DPY19L2: variants seen among roughly 807,000 people sequenced by gnomAD.
The protein encoded by DPY19L2 is probable C-mannosyltransferase DPY19L2.
In DPY19L2, 34 loss-of-function variants were observed where a neutral mutation model predicts 97.9. That is an observed-to-expected ratio of 0.35 (90% CI 0.26 to 0.46). The LOEUF (loss-of-function observed/expected upper bound fraction) is 0.46. Ranked by LOEUF, DPY19L2 falls within the 20% of genes least tolerant of loss-of-function variation. The pLI is 1.00. For missense variants in DPY19L2, 623 were observed against 911.4 expected (o/e 0.68, Z 4.07); for synonymous variants, 230 against 307.9 (o/e 0.75, Z 2.65).
At chr12:63,590,077 G>A (rs895071987) in intron 16 of DPY19L2, among the ~76,000 whole-genome samples, 3 of 151,954 alleles carry the variant, frequency 2.0e-5, no homozygotes, top group African/African-American at 4.8e-5. Flanking sequence ...GCAGTGAGCC[G>A]AGATTGTGCC....
chr12:63,649,885 G>C (rs1893952815), intron 4 of DPY19L2, among the ~76,000 whole-genome samples: 1 of 151,938 alleles, frequency 6.6e-6, no homozygotes, highest in Non-Finnish European at 1.5e-5. Flanking sequence ...AAAACTTCAG[G>C]CCAATATCTC....
At chr12:63,629,787 C>G (rs1293261127) in intron 6 of DPY19L2, among the ~76,000 whole-genome samples, 1 of 152,050 alleles carries the variant, frequency 6.6e-6, no homozygotes, top group East Asian at 1.9e-4. Flanking sequence ...AATGGAAATG[C>G]AGGAAAAACT....
At chr12:63,566,978 C>T (rs4044666) in intron 21 of DPY19L2, among the ~76,000 whole-genome samples, 3 of 152,044 alleles carry the variant, frequency 2.0e-5, no homozygotes, top group Non-Finnish European at 4.4e-5. Flanking sequence ...TCACCACAAA[C>T]GTTTACCATC....
chr12:63,611,570 T>A (rs1887016990), intron 11 of DPY19L2, among the ~76,000 whole-genome samples: 1 of 151,726 alleles, frequency 6.6e-6, no homozygotes, highest in Non-Finnish European at 1.5e-5. Flanking sequence ...AAGAACATGT[T>A]AACTAGAGAC....
intron 19 of DPY19L2, among the ~76,000 whole-genome samples, chr12:63,576,686 T>C (rs1879900161): frequency 6.6e-6 from 1 of 151,850 alleles, no homozygotes; most frequent in Admixed American, 6.6e-5. Flanking sequence ...AGTAATTCCA[T>C]TTACAGTAGC....
chr12:63,604,232 G>T (rs1885665675), intron 12 of DPY19L2, among the ~76,000 whole-genome samples: 1 of 152,102 alleles, frequency 6.6e-6, no homozygotes, highest in African/African-American at 2.4e-5. Context: ...CCCTGTAGGT[G>T]ATGTGTCATT....
intron 3 of DPY19L2, among the ~76,000 whole-genome samples, chr12:63,662,425 G>C (rs1895796418): frequency 6.6e-6 from 1 of 151,640 alleles, no homozygotes; most frequent in Non-Finnish European, 1.5e-5. Flanking sequence ...CTGCTTAGGA[G>C]GATAACAAAG....
intron 5 of DPY19L2, among the ~76,000 whole-genome samples, 177 bp downstream of exon 5, chr12:63,647,068 A>G (rs925366244): frequency 2.6e-5 from 4 of 152,158 alleles, no homozygotes; most frequent in Non-Finnish European, 5.9e-5. Flanking sequence ...TCAAATTTTT[A>G]AGTACACAGC....
intron 7 of DPY19L2, among the ~76,000 whole-genome samples, chr12:63,625,512 C>T (rs1889382100): frequency 6.6e-6 from 1 of 152,136 alleles, no homozygotes; most frequent in Admixed American, 6.5e-5. Context: ...ATATCCTCAG[C>T]ATCTAGCAGA....
chr12:63,652,628 A>G (rs961252953), intron 4 of DPY19L2, among the ~76,000 whole-genome samples: 1 of 152,192 alleles, frequency 6.6e-6, no homozygotes, highest in African/African-American at 2.4e-5. Flanking sequence ...TTGCAGCAAC[A>G]TGAAAGGAGT....
intron 5 of DPY19L2, among the ~76,000 whole-genome samples, chr12:63,646,806 T>G (rs1331780145): frequency 1.3e-5 from 2 of 152,152 alleles, no homozygotes; most frequent in Admixed American, 6.5e-5. Flanking sequence ...TATGAGCATA[T>G]ATAAAAAAGT....
intron 19 of DPY19L2, among the ~76,000 whole-genome samples, chr12:63,574,013 C>A (rs772937993): frequency 3.3e-5 from 5 of 151,836 alleles, no homozygotes; most frequent in Non-Finnish European, 7.4e-5. Context: ...AGTAAGTACA[C>A]AGAGAAACAC....
At chr12:63,635,033 G>C (rs541122348) in intron 6 of DPY19L2, among the ~76,000 whole-genome samples, 2 of 152,316 alleles carry the variant, frequency 1.3e-5, no homozygotes, top group South Asian at 4.1e-4. Flanking sequence ...GCACCCCCCA[G>C]TAGGGGCAGA....
chr12:63,584,194 T>C (rs1476598930), intron 16 of DPY19L2: 2 of 160,754 alleles, frequency 1.2e-5, no homozygotes, highest in East Asian at 3.5e-4. Flanking sequence ...TGTTAAACTT[T>C]TGAGTTATTT....
intron 1 of DPY19L2, among the ~76,000 whole-genome samples, chr12:63,667,436 A>T (rs1388041872): frequency 6.6e-6 from 1 of 152,140 alleles, no homozygotes; most frequent in Non-Finnish European, 1.5e-5. Flanking sequence ...TAACGATGCC[A>T]GTATTCTAAA....
Position 63,668,252 on chromosome 12 carries a change from G to C in DPY19L2, c.142C>G (p.Pro48Ala), listed in dbSNP as rs1188259219. 2 of 1,613,726 alleles carry C rather than the reference G, an allele frequency of 1.2e-6. No homozygotes were observed. Among genetic ancestry groups the C allele is most frequent in the African/African-American group, 2.7e-5 (2 of 74,892 alleles). ...GGGGAGGACCTCCAGGAGCCCCTTG[G>C]CAGTTTCCCGCCGCCTAGGGCCGAC... The part of the protein sequence containing the change: ...EKSALGGGKL[P>A]RGSWRSSPGR... Residue 48 changes from proline to alanine, a missense_variant, in exon 1 of 22, where the codon CCA (proline) becomes GCA (alanine). By Grantham distance (27) the Pro-to-Ala change is conservative. Coordinates refer to ENST00000324472, the MANE Select transcript of DPY19L2 (RefSeq NM_173812.5).
chr12:63,660,130 A>G (rs1421372989), intron 4 of DPY19L2, among the ~76,000 whole-genome samples: 1 of 152,148 alleles, frequency 6.6e-6, no homozygotes. Context: ...ATATCTGGTA[A>G]AGCTGAAAAA....
intron 16 of DPY19L2, among the ~76,000 whole-genome samples, chr12:63,584,886 T>A (rs865896956): frequency 6.6e-6 from 1 of 152,194 alleles, no homozygotes; most frequent in South Asian, 2.1e-4. Context: ...CATGAAATTG[T>A]GAAGAAGAAG....
intron 6 of DPY19L2, among the ~76,000 whole-genome samples, chr12:63,627,219 T>C (rs1889708988): frequency 6.6e-6 from 1 of 152,234 alleles, no homozygotes; most frequent in African/African-American, 2.4e-5. Context: ...AACAGTTTCA[T>C]GTAGCATTAA....
Sources: allele counts gnomAD v4.1 joint callset (sites outside exome capture counted in the v4.1 genomes callset), GRCh38; gene constraint gnomAD v4.1.1; transcripts MANE v1.5; gene names NCBI Gene and HGNC (gene_info 2026-07-23, HGNC 2026-07-21).